The following SLC9A1 variants were observed in gnomAD, a reference collection of about 807,000 sequenced individuals.
SLC9A1 encodes the protein solute carrier family 9 member A1.
SLC9A1 carries 22 observed loss-of-function variants against 67.9 expected under a neutral mutation model. The ratio of observed to expected loss-of-function variants is 0.32; its 90% confidence interval spans 0.23 to 0.46. The LOEUF is 0.46. Ranked by LOEUF, SLC9A1 falls within the 20% of genes least tolerant of loss-of-function variation. The probability of loss-of-function intolerance (pLI) is 1.00; values close to 1 mark genes in which losing one functional copy is unlikely to be tolerated. For synonymous variants in SLC9A1, 421 were observed against 471.8 expected, an observed-to-expected ratio of 0.89 and a Z score of 1.40; for missense variants, 686 against 1,094.8, an observed-to-expected ratio of 0.63 and a Z score of 5.27.
chr1:27,114,343 A>G lies in SLC9A1; in HGVS notation c.353-57T>C, dbSNP rs560983911. ...GCTTTCGGAGGAGCCAGGAGAATAG[A>G]AGGTTGGGGATGGGCCGGGGATGAG... On this transcript the variant is annotated intron_variant, in intron 1 of 11. Coordinates refer to ENST00000263980, the MANE Select transcript of SLC9A1 (RefSeq NM_003047.5). This position sits in a 1 kb window ranked among gnomAD's most constrained non-coding sequence, Gnocchi z 5.4. 70 of 1,455,360 alleles carry G rather than the reference A, an allele frequency of 4.8e-5. No homozygotes were observed. In the East Asian group the frequency reaches 1.6e-3, roughly 34 times the overall value. 90.2% of individuals were successfully genotyped at this position (1,455,360 alleles called of 1,614,324 possible). A position where few individuals can be genotyped will look rare whatever the true frequency, so the allele number is the denominator to read the frequency against.
In SLC9A1 at chr1:27,101,168, G is replaced by A; in HGVS notation, c.2110+35C>T. The A allele has an allele frequency of 3.9e-6, 6 of 1,548,278 alleles. No individual in the cohort carries two copies. Among genetic ancestry groups the A allele is most frequent in the African/African-American group, 1.4e-5 (1 of 73,856 alleles). ...CATCCTCAGGAGGTGGCAGCTCAGA[G>A]TGCCCAGTCCTGAGGCCCCTCGCCA... is the stretch of plus-strand genomic sequence containing the variant. On this transcript the variant is annotated intron_variant, in intron 11 of 11. Coordinates refer to ENST00000263980, the MANE Select transcript of SLC9A1 (RefSeq NM_003047.5). The surrounding 1 kb of genome is among the most constrained non-coding windows in gnomAD (Gnocchi z 4.9).
At position 27,115,272 on chromosome 1, in the gene SLC9A1, C is replaced by T. The variant is rs118029163; in HGVS notation, c.353-986G>A. On this transcript the variant is annotated intron_variant, in intron 1 of 11. Transcript: ENST00000263980. ...GGCCGTGTCCTGGCCAGCAACAGGCCGCTCTGCTGTAGTCCACCTTAAGGC... is the reference window on the plus strand; with the variant it reads ...GGCCGTGTCCTGGCCAGCAACAGGCTGCTCTGCTGTAGTCCACCTTAAGGC... Among the ~76,000 whole-genome samples the T allele has an allele frequency of 1.2e-3, 179 of 152,244 alleles. 2 individuals are homozygous for T. In the East Asian group the frequency reaches 0.033, roughly 28 times the overall value.
At chr1:27,151,013 G>A (rs2083523298) in intron 1 of SLC9A1, among the ~76,000 whole-genome samples, 1 of 152,206 alleles carries the variant, frequency 6.6e-6, no homozygotes, top group Non-Finnish European at 1.5e-5. Context: ...TGCAGAGGGA[G>A]CATGGCCTCA....
At chr1:27,128,608 A>G (rs2083361728) in intron 1 of SLC9A1, among the ~76,000 whole-genome samples, 1 of 150,930 alleles carries the variant, frequency 6.6e-6, no homozygotes. Context: ...GTGAGCCGAG[A>G]TCATGCCAAC....
intron 1 of SLC9A1, among the ~76,000 whole-genome samples, chr1:27,132,307 A>ATC (rs1382538525): frequency 1.3e-5 from 2 of 152,018 alleles, no homozygotes; most frequent in African/African-American, 4.8e-5. Flanking sequence ...AATGGAGAGG[A>ATC]AAGAACACTG....
At chr1:27,144,040 T>C (rs939466295) in intron 1 of SLC9A1, among the ~76,000 whole-genome samples, 1 of 152,206 alleles carries the variant, frequency 6.6e-6, no homozygotes, top group African/African-American at 2.4e-5. Flanking sequence ...ACCATTGACA[T>C]GTTTTATTTA....
At chr1:27,143,391 C>G (rs2083463956) in intron 1 of SLC9A1, among the ~76,000 whole-genome samples, 2 of 152,220 alleles carry the variant, frequency 1.3e-5, no homozygotes, top group African/African-American at 4.8e-5. Context: ...TGCTTTCTCC[C>G]TTGTATGTTG....
At chr1:27,116,707 C>A (rs2083274344) in intron 1 of SLC9A1, among the ~76,000 whole-genome samples, 1 of 152,194 alleles carries the variant, frequency 6.6e-6, no homozygotes, top group Non-Finnish European at 1.5e-5. Context: ...AAGGGCTAGT[C>A]ATGTTGGACC....
chr1:27,102,796 C>T, intron 6 of SLC9A1, 53 bp from the exon 7 acceptor site: 1 of 1,511,178 alleles, frequency 6.6e-7, no homozygotes, highest in African/African-American at 1.4e-5. Flanking sequence ...CCTTCCCTAC[C>T]AAGACCTCTG....
chr1:27,099,969 T>G lies in SLC9A1; in HGVS notation c.*338A>C. 9.4e-5 allele frequency: 26 copies of G among 275,408 alleles called. No individual in the cohort carries two copies. The highest frequency in any genetic ancestry group is 3.1e-4 in the East Asian group (5 of 15,936). 17.1% of individuals were successfully genotyped at this position (275,408 alleles called of 1,614,324 possible). The stretch of plus-strand genomic sequence containing the variant: ...GAGACTCTTTGGTTAGAAACTAAGA[T>G]TGGTCTGAATGAGGAGGAGGATGAG... On this transcript the variant is annotated 3_prime_UTR_variant, in exon 12 of 12. Coordinates refer to ENST00000263980, the MANE Select transcript of SLC9A1 (RefSeq NM_003047.5).
intron 1 of SLC9A1, among the ~76,000 whole-genome samples, chr1:27,125,466 G>A (rs34246044): frequency 0.023 from 3,465 of 151,874 alleles, 121 homozygotes; most frequent in African/African-American, 0.08. Flanking sequence ...GGCTGGTGTC[G>A]AACCCCTGGC....
At chr1:27,136,834 T>C (rs1246389456) in intron 1 of SLC9A1, among the ~76,000 whole-genome samples, 1 of 152,198 alleles carries the variant, frequency 6.6e-6, no homozygotes, top group African/African-American at 2.4e-5. Context: ...ATCTAGTCCC[T>C]TCTCCATCAG....
chr1:27,139,657 G>A (rs951206179), intron 1 of SLC9A1, among the ~76,000 whole-genome samples: 4 of 152,188 alleles, frequency 2.6e-5, no homozygotes, highest in African/African-American at 9.7e-5. Flanking sequence ...GTGTTTGGGG[G>A]TGAGGTGGAA....
At chr1:27,126,664 G>A (rs139046546) in intron 1 of SLC9A1, among the ~76,000 whole-genome samples, 1 of 152,302 alleles carries the variant, frequency 6.6e-6, no homozygotes, top group African/African-American at 2.4e-5. Context: ...GCAAGGCTAG[G>A]GACCCTGTCC....
At chr1:27,127,386 G>A (rs1042589497) in intron 1 of SLC9A1, among the ~76,000 whole-genome samples, 6 of 152,140 alleles carry the variant, frequency 3.9e-5, no homozygotes, top group Non-Finnish European at 7.4e-5. Flanking sequence ...CTTTTCTCTC[G>A]CCCTCACAAC....
chr1:27,151,351 T>C (rs1267826749), intron 1 of SLC9A1, among the ~76,000 whole-genome samples: 3 of 152,146 alleles, frequency 2.0e-5, no homozygotes, highest in African/African-American at 2.4e-5. Flanking sequence ...TTAGTTCCCA[T>C]TTTATTTTTT....
Position 27,154,393 on chromosome 1 carries a change from A to C in SLC9A1, c.-59T>G. On this transcript the variant is annotated 5_prime_UTR_variant, in exon 1 of 12. Coordinates refer to ENST00000263980, the MANE Select transcript of SLC9A1 (RefSeq NM_003047.5). Reference sequence around the variant, plus strand: ...CAAATGAGAGTAAAACCGGGCACATAGGTAGCAAAGGGTCAGCAAGTGGGA... The same window carrying C: ...CAAATGAGAGTAAAACCGGGCACATCGGTAGCAAAGGGTCAGCAAGTGGGA... 1 of 1,116,852 alleles carries C rather than the reference A, an allele frequency of 9.0e-7. No individual in the cohort carries two copies. Among genetic ancestry groups the C allele is most frequent in the Non-Finnish European group, 1.3e-6 (1 of 784,688 alleles). 69.2% of individuals were successfully genotyped at this position (1,116,852 alleles called of 1,614,324 possible).
intron 1 of SLC9A1, among the ~76,000 whole-genome samples, chr1:27,132,419 A>T (rs937284640): frequency 1.3e-5 from 2 of 152,178 alleles, no homozygotes; most frequent in African/African-American, 2.4e-5. Context: ...ATGTGACCTC[A>T]AATGGCTCTT....
rs1384833455 is a variant in SLC9A1 at position 27,137,501 on chromosome 1, G to A, written c.352+16482C>T. 6.6e-6 allele frequency among the ~76,000 whole-genome samples: 1 copy of A among 152,156 alleles called. No homozygotes were observed. Among genetic ancestry groups the A allele is most frequent in the Non-Finnish European group, 1.5e-5 (1 of 68,028 alleles). ...TAACCTCCACACCTTTGCACATGGGGACCACAAAGTTGCAAGTGGGGGAGG... is the reference window on the plus strand; with the variant it reads ...TAACCTCCACACCTTTGCACATGGGAACCACAAAGTTGCAAGTGGGGGAGG... On this transcript the variant is annotated intron_variant, in intron 1 of 11. Coordinates refer to ENST00000263980, the MANE Select transcript of SLC9A1 (RefSeq NM_003047.5). This position sits in a 1 kb window ranked among gnomAD's most constrained non-coding sequence, Gnocchi z 4.6.
Sources: gnomAD v4.1 joint callset for allele counts (sites outside exome capture counted in the v4.1 genomes callset) on GRCh38, gnomAD v4.1.1 for gene constraint, Gnocchi (gnomAD v3.1) non-coding constraint, MANE v1.5 for transcripts, NCBI Gene and HGNC (gene_info 2026-07-23, HGNC 2026-07-21) for gene names.